MARK3: variants seen among roughly 807,000 people sequenced by gnomAD.
MARK3 encodes the protein microtubule affinity regulating kinase 3, also known as MAP/microtubule affinity-regulating kinase 3.
In MARK3, 46 loss-of-function variants were observed where a neutral mutation model predicts 90.1. The observed-to-expected ratio is 0.51, with a 90% CI of 0.40 to 0.65. The LOEUF is 0.65. Among genes scored for constraint, MARK3 ranks in the 30% least tolerant of loss-of-function variants. The probability of loss-of-function intolerance (pLI) is 0.00; values close to 1 mark genes in which losing one functional copy is unlikely to be tolerated. For missense variants in MARK3, 818 were observed against 947.2 expected (o/e 0.86, Z 1.79); for synonymous variants, 321 against 332.6 (o/e 0.97, Z 0.38).
chr14:103,417,957 T>C (rs911890664), intron 2 of MARK3, among the ~76,000 whole-genome samples: 2 of 152,074 alleles, frequency 1.3e-5, no homozygotes, highest in Admixed American at 6.6e-5. Flanking sequence ...TAATCCCAGC[T>C]ACTCAGGAGG....
intron 15 of MARK3, among the ~76,000 whole-genome samples, chr14:103,498,136 C>A (rs1038629361): frequency 1.3e-5 from 2 of 151,622 alleles, no homozygotes; most frequent in Admixed American, 6.6e-5. Flanking sequence ...AGAATTGCTT[C>A]AACCCGGGAG....
At chr14:103,390,882 T>C (rs1375504484) in intron 1 of MARK3, among the ~76,000 whole-genome samples, 1 of 152,088 alleles carries the variant, frequency 6.6e-6, no homozygotes, top group African/African-American at 2.4e-5. Context: ...GGCTAATTTT[T>C]AATTTTTTCG....
At chr14:103,445,779 T>A (rs2092978849) in intron 3 of MARK3, among the ~76,000 whole-genome samples, 1 of 152,228 alleles carries the variant, frequency 6.6e-6, no homozygotes, top group Non-Finnish European at 1.5e-5. Flanking sequence ...TCACTTTGTT[T>A]CATTTCTGCT....
At chr14:103,481,336 TG>T (rs1476863509) in intron 14 of MARK3, among the ~76,000 whole-genome samples, 1 of 152,228 alleles carries the variant, frequency 6.6e-6, no homozygotes, top group African/African-American at 2.4e-5. Flanking sequence ...ACTTGAACAT[TG>T]TTTGCATCAG....
intron 3 of MARK3, among the ~76,000 whole-genome samples, chr14:103,443,873 A>G (rs962444713): frequency 6.6e-6 from 1 of 151,826 alleles, no homozygotes; most frequent in South Asian, 2.1e-4. Context: ...GCACTCTTCC[A>G]TTTAGGTGCT....
chr14:103,438,201 C>T (rs1327483108), intron 3 of MARK3, among the ~76,000 whole-genome samples: 1 of 152,080 alleles, frequency 6.6e-6, no homozygotes, highest in Non-Finnish European at 1.5e-5. Context: ...CAGGGTTTCT[C>T]CATGTTGGTC....
chr14:103,476,180 C>A (rs1015154832), intron 13 of MARK3, among the ~76,000 whole-genome samples: 3 of 152,264 alleles, frequency 2.0e-5, no homozygotes, highest in South Asian at 2.1e-4. Context: ...CTTAGGTTGT[C>A]AGGTGCTGAG....
intron 15 of MARK3, among the ~76,000 whole-genome samples, chr14:103,497,322 CATTA>C (rs2075404597): frequency 6.6e-6 from 1 of 152,168 alleles, no homozygotes; most frequent in South Asian, 2.1e-4. Flanking sequence ...CCAAGGATTT[CATTA>C]ATTTAGTCAT....
chr14:103,414,346 C>G (rs2091838975), intron 2 of MARK3, among the ~76,000 whole-genome samples: 1 of 152,216 alleles, frequency 6.6e-6, no homozygotes, highest in African/African-American at 2.4e-5. Context: ...GCTGGGATTA[C>G]AGGCATGTGC....
chr14:103,489,704 T>A (rs2093985711), intron 14 of MARK3: 2 of 152,158 alleles, frequency 1.3e-5, no homozygotes, highest in South Asian at 4.2e-4. Context: ...TTCCAAAGGA[T>A]TTCTGCAGAA....
intron 1 of MARK3, among the ~76,000 whole-genome samples, chr14:103,403,804 A>C (rs1173170953): frequency 6.6e-6 from 1 of 152,212 alleles, no homozygotes; most frequent in African/African-American, 2.4e-5. Flanking sequence ...TATTTTCCCA[A>C]AGTTCTAATA....
chr14:103,501,916 A>G (rs1442248316), intron 17 of MARK3, among the ~76,000 whole-genome samples: 1 of 152,332 alleles, frequency 6.6e-6, no homozygotes, highest in East Asian at 1.9e-4. Flanking sequence ...CTATGTGCAT[A>G]TGCAAAAGCT....
intron 3 of MARK3, among the ~76,000 whole-genome samples, chr14:103,447,339 C>A (rs913424384): frequency 3.3e-5 from 5 of 152,158 alleles, no homozygotes; most frequent in African/African-American, 1.2e-4. Flanking sequence ...TGGTCCATGT[C>A]CATCTCCTCT....
chr14:103,410,837 C>T (rs1210139270), intron 2 of MARK3, among the ~76,000 whole-genome samples: 1 of 151,788 alleles, frequency 6.6e-6, no homozygotes, highest in Non-Finnish European at 1.5e-5. Context: ...AATATCTTTC[C>T]CTAGATTACT....
Position 103,503,265 on chromosome 14 carries a change from T to G in MARK3, c.*38T>G, listed in dbSNP as rs747499357. On this transcript the variant is annotated 3_prime_UTR_variant, in exon 18 of 18. Transcript: ENST00000429436. Reference sequence around the variant, plus strand: ...GATGTAAATTAAGTAGCAATTAAAGTGTTTTCCTGAACACTGATGGAAATG... The same window carrying G: ...GATGTAAATTAAGTAGCAATTAAAGGGTTTTCCTGAACACTGATGGAAATG... 2 of 1,504,348 alleles carry G rather than the reference T, an allele frequency of 1.3e-6. No individual in the cohort carries two copies. Among genetic ancestry groups the G allele is most frequent in the Non-Finnish European group, 1.8e-6 (2 of 1,095,416 alleles). 93.2% of individuals were successfully genotyped at this position (1,504,348 alleles called of 1,614,324 possible).
intron 6 of MARK3, chr14:103,458,583 G>GC (rs1344601832): frequency 2.2e-6 from 1 of 458,660 alleles, no homozygotes; most frequent in African/African-American, 2.0e-5. Flanking sequence ...GCCATAATTT[G>GC]CCAACCCCTG....
At chr14:103,432,954 T>C (rs1219378692) in intron 3 of MARK3, among the ~76,000 whole-genome samples, 2 of 152,126 alleles carry the variant, frequency 1.3e-5, no homozygotes, top group African/African-American at 2.4e-5. Context: ...TAGACCACAA[T>C]AGACTATACC....
chr14:103,466,224 T>C lies in MARK3; in HGVS notation c.898-119T>C. 3.0e-6 allele frequency: 4 copies of C among 1,345,568 alleles called. No homozygotes were observed. In the South Asian group the frequency reaches 5.5e-5, roughly 19 times the overall value. The allele number at this position is 1,345,568 out of a possible 1,614,324, so 83.4% of individuals were successfully genotyped here. A position where few individuals can be genotyped will look rare whatever the true frequency, so the allele number is the denominator to read the frequency against. Reference sequence around the variant, plus strand: ...GCAAGAATTGAAACATTAAAAAATATTTTTTGAGTTTATGCTTTGAACGAT... The same window carrying C: ...GCAAGAATTGAAACATTAAAAAATACTTTTTGAGTTTATGCTTTGAACGAT... On this transcript the variant is annotated intron_variant, in intron 9 of 17. Transcript: ENST00000429436.
In MARK3 at chr14:103,474,989, TTAGCTGGACCAGC is replaced by T; in HGVS notation, c.1265-1_1276del. ...TCATTTAAAAAATGAACTCTTTATT[TTAGCTGGACCAGC>T]TATTCCTTCTGTTGTGGCGTATCCG... On this transcript the variant is annotated splice_acceptor_variant and splice_polypyrimidine_tract_variant and coding_sequence_variant and intron_variant, in exon 13 of 18. Transcript: ENST00000429436. LOFTEE classifies it high-confidence loss of function. 6.2e-7 allele frequency: 1 copy of T among 1,606,344 alleles called. No homozygotes were observed. Among genetic ancestry groups the T allele is most frequent in the Non-Finnish European group, 8.5e-7 (1 of 1,173,542 alleles).
Sources: gnomAD v4.1 joint callset for allele counts (sites outside exome capture counted in the v4.1 genomes callset) on GRCh38, gnomAD v4.1.1 for gene constraint, MANE v1.5 for transcripts, NCBI Gene and HGNC (gene_info 2026-07-23, HGNC 2026-07-21) for gene names.